The following RNF115 variants were observed in gnomAD, a reference collection of about 807,000 sequenced individuals.
RNF115 encodes E3 ubiquitin-protein ligase RNF115.
Under a neutral mutation model 39.2 loss-of-function variants are expected in RNF115, and 31 were observed. That is an observed-to-expected ratio of 0.79 (90% CI 0.59 to 1.07). The LOEUF (loss-of-function observed/expected upper bound fraction) is 1.07, where lower values mean the gene tolerates loss of function less well. Among genes scored for constraint, RNF115 ranks in the 50% least tolerant of loss-of-function variants. The pLI is 0.00. For synonymous variants in RNF115, 124 were observed against 131.0 expected (o/e 0.95, Z 0.37); for missense variants, 384 against 381.7 (o/e 1.01, Z -0.05).
intron 4 of RNF115, among the ~76,000 whole-genome samples, chr1:145,766,899 C>T (rs1477665344): frequency 1.3e-5 from 1 of 79,036 alleles, no homozygotes; most frequent in African/African-American, 5.2e-5. Flanking sequence ...GCAGAGGCGC[C>T]CCTCACCTCC....
chr1:145,798,242 T>C (rs1441242496), intron 1 of RNF115, among the ~76,000 whole-genome samples: 1 of 152,158 alleles, frequency 6.6e-6, no homozygotes, highest in East Asian at 1.9e-4. Context: ...AAGCCTTTCC[T>C]CTAAGTTTTA....
chr1:145,748,184 C>A, intron 7 of RNF115, 74 bp from the exon 8 acceptor site: 1 of 985,224 alleles, frequency 1.0e-6, no homozygotes, highest in South Asian at 1.3e-5. Flanking sequence ...AATGTCTCTA[C>A]CAACCCTACG....
chr1:145,812,501 A>C (rs1649774552), intron 1 of RNF115, among the ~76,000 whole-genome samples: 1 of 151,194 alleles, frequency 6.6e-6, no homozygotes, highest in African/African-American at 2.4e-5. Flanking sequence ...CTCTACTAAA[A>C]ATACAAAAAT....
chr1:145,750,414 T>C lies in RNF115; in HGVS notation c.660A>G (p.Glu220=). 1.9e-6 allele frequency: 3 copies of C among 1,612,046 alleles called. No individual in the cohort carries two copies. Among genetic ancestry groups the C allele is most frequent in the Non-Finnish European group, 2.5e-6 (3 of 1,178,140 alleles). The change falls in exon 7 of 9, where the codon GAA becomes GAG. Residue 220 remains glutamate (E), a synonymous_variant. Coordinates refer to ENST00000582693, the MANE Select transcript of RNF115 (RefSeq NM_014455.4). ...TSLPTVTVTQ[E]QVDMGLECPV... The stretch of plus-strand genomic sequence containing the variant: ...GTATAAAAATGAACCTACCAACTTG[T>C]TCCTGAGTTACTGTCACTGTTGGAA...
chr1:145,752,582 G>GTT (rs1658129445), intron 5 of RNF115, among the ~76,000 whole-genome samples: 1 of 67,152 alleles, frequency 1.5e-5, no homozygotes, highest in Non-Finnish European at 2.4e-5. Flanking sequence ...CACCTATGCA[G>GTT]CTCTTTTTTT....
rs1327132859 is a variant in RNF115 at position 145,741,832 on chromosome 1, G to A, written c.*5034C>T. On this transcript the variant is annotated 3_prime_UTR_variant, in exon 9 of 9. Transcript: ENST00000582693. The stretch of plus-strand genomic sequence containing the variant: ...TCTCTTAAAATCTGTCTTCTCACCT[G>A]GGCGTGGTGGCTAATGCCTGTAATC... 3 of 152,282 alleles carry A rather than the reference G, an allele frequency of 2.0e-5. No individual in the cohort carries two copies. The highest frequency in any genetic ancestry group is 7.2e-5 in the African/African-American group (3 of 41,434). The allele number at this position is 152,282 out of a possible 1,614,324, so 9.4% of individuals were successfully genotyped here. A position where few individuals can be genotyped will look rare whatever the true frequency, so the allele number is the denominator to read the frequency against.
rs587691951 is a variant in RNF115, at chr1:145,751,187, T to G, written c.573+251A>C. ...AGAGAGACAAAAATACAAAATACTA[T>G]TTGTTATAGAAGTCTTTTCTTCCTA... On this transcript the variant is annotated intron_variant, in intron 6 of 8. Coordinates refer to ENST00000582693, the MANE Select transcript of RNF115 (RefSeq NM_014455.4). 2.0e-5 allele frequency among the ~76,000 whole-genome samples: 3 copies of G among 152,318 alleles called. No individual in the cohort carries two copies. In the South Asian group the frequency reaches 6.2e-4, roughly 32 times the overall value.
At chr1:145,820,619 C>T (rs1650193430) in intron 1 of RNF115, among the ~76,000 whole-genome samples, 1 of 151,974 alleles carries the variant, frequency 6.6e-6, no homozygotes, top group Non-Finnish European at 1.5e-5. Flanking sequence ...GCCTGTAGTC[C>T]CCACTACTTG....
intron 1 of RNF115, among the ~76,000 whole-genome samples, chr1:145,800,222 T>C (rs180982664): frequency 7.9e-5 from 12 of 152,332 alleles, no homozygotes; most frequent in African/African-American, 2.9e-4. Flanking sequence ...CATTAGAGAA[T>C]TAAGGGGGGA....
intron 1 of RNF115, among the ~76,000 whole-genome samples, chr1:145,810,596 G>T (rs1366007616): frequency 2.3e-5 from 2 of 87,730 alleles, no homozygotes; most frequent in African/African-American, 8.4e-5. Flanking sequence ...CCATGGCACA[G>T]GTTTGCCTAC....
Position 145,747,981 on chromosome 1 carries a change from C to T in RNF115, c.783+14G>A, listed in dbSNP as rs1553711968. ...GAATCATCCCCCAAAGAAGCCATGA[C>T]TTGCTGTACTCACCAGTTCTAGCCA... is the stretch of plus-strand genomic sequence containing the variant. On this transcript the variant is annotated intron_variant, in intron 8 of 8. Transcript: ENST00000582693. 6.4e-7 allele frequency: 1 copy of T among 1,553,716 alleles called. No individual in the cohort carries two copies. Among genetic ancestry groups the T allele is most frequent in the Non-Finnish European group, 8.9e-7 (1 of 1,125,100 alleles).
chr1:145,793,360 G>A (rs1353272667), intron 1 of RNF115, among the ~76,000 whole-genome samples: 4 of 152,142 alleles, frequency 2.6e-5, no homozygotes, highest in African/African-American at 9.7e-5. Flanking sequence ...GAGTTTATCT[G>A]AATGCCGAAT....
intron 1 of RNF115, among the ~76,000 whole-genome samples, chr1:145,814,891 T>C (rs1179769778): frequency 6.6e-6 from 1 of 152,200 alleles, no homozygotes; most frequent in East Asian, 1.9e-4. Flanking sequence ...TGTACCACTG[T>C]AGCCTTTTAA....
At chr1:145,779,012 T>C (rs1054146798) in intron 3 of RNF115, among the ~76,000 whole-genome samples, 4 of 152,192 alleles carry the variant, frequency 2.6e-5, no homozygotes, top group Non-Finnish European at 5.9e-5. Context: ...AAAAATTAAA[T>C]TTTTATATCC....
Position 145,752,585 on chromosome 1 carries a change from C to CTTTTTTTTTTTTTT in RNF115, c.500+379_500+392dup, listed in dbSNP as rs60257682. 3.8e-3 allele frequency among the ~76,000 whole-genome samples: 317 copies of CTTTTTTTTTTTTTT among 83,754 alleles called. 68 individuals are homozygous for CTTTTTTTTTTTTTT. The highest frequency in any genetic ancestry group is 0.017 in the African/African-American group (298 of 17,410). 54.9% of individuals were successfully genotyped at this position (83,754 alleles called of 152,430 possible). ...CATCTACATACTCACCTATGCAGCT[C>CTTTTTTTTTTTTTT]TTTTTTTTTTTTTTTTTTTTTGAGA... On this transcript the variant is annotated intron_variant, in intron 5 of 8. Transcript: ENST00000582693.
chr1:145,787,238 C>G, intron 2 of RNF115, among the ~76,000 whole-genome samples: 1 of 152,252 alleles, frequency 6.6e-6, no homozygotes, highest in Non-Finnish European at 1.5e-5. Context: ...TTTGTTTAGC[C>G]AAAAGAGGCC....
At chr1:145,794,163 G>A (rs1648823828) in intron 1 of RNF115, among the ~76,000 whole-genome samples, 4 of 152,108 alleles carry the variant, frequency 2.6e-5, no homozygotes, top group Non-Finnish European at 4.4e-5. Flanking sequence ...TCCCTCTTAA[G>A]TCGTGTCCTG....
chr1:145,788,773 C>T, intron 2 of RNF115, 135 bp downstream of exon 2: 1 of 747,406 alleles, frequency 1.3e-6, no homozygotes, highest in South Asian at 1.4e-5. Context: ...AGCTCATGCA[C>T]TCACTCTCTC....
In RNF115 at chr1:145,742,379, T is replaced by C. The variant is rs78741047; in HGVS notation, c.*4487A>G. 3 of 152,352 alleles carry C rather than the reference T, an allele frequency of 2.0e-5. No homozygotes were observed. Among genetic ancestry groups the C allele is most frequent in the East Asian group, 1.9e-4 (1 of 5,196 alleles). The allele number at this position is 152,352 out of a possible 1,614,324, so 9.4% of individuals were successfully genotyped here. A position where few individuals can be genotyped will look rare whatever the true frequency, so the allele number is the denominator to read the frequency against. ...TATTGTAGTTCAACTGATTATAATA[T>C]AGAAGCAACGGATAATGAACACCCT... On this transcript the variant is annotated 3_prime_UTR_variant, in exon 9 of 9. Transcript: ENST00000582693.
Sources: gnomAD v4.1 joint callset for allele counts (sites outside exome capture counted in the v4.1 genomes callset) on GRCh38, gnomAD v4.1.1 for gene constraint, MANE v1.5 for transcripts, NCBI Gene and HGNC (gene_info 2026-07-23, HGNC 2026-07-21) for gene names.